DDX55: variants seen among roughly 807,000 people sequenced by gnomAD.
DDX55 encodes ATP-dependent RNA helicase DDX55.
A neutral mutation model predicts 69.2 loss-of-function variants in DDX55; 56 were observed. The ratio of observed to expected loss-of-function variants is 0.81; its 90% CI spans 0.65 to 1.01. The LOEUF (loss-of-function observed/expected upper bound fraction) is 1.01. Among genes scored for constraint, DDX55 ranks in the 50% least tolerant of loss-of-function variants. DDX55 has a pLI of 0.00. For synonymous variants in DDX55, 268 were observed against 273.1 expected (o/e 0.98, Z 0.18); for missense variants, 720 against 745.1 (o/e 0.97, Z 0.39).
At chr12:123,605,728 C>T (rs140851013) in intron 1 of DDX55, 303 of 705,130 alleles carry the variant, frequency 4.3e-4, no homozygotes, top group African/African-American at 3.7e-3. Context: ...CCTCCCAGCT[C>T]AGCTCACTGT....
chr12:123,610,031 C>T lies in DDX55; in HGVS notation c.644C>T (p.Ala215Val), dbSNP rs200245098. ...CAGGAAGTGGAGAACCTGGTGAGAG[C>T]GGGCCTCCGGAACCCTGTCCGGGTC... is the stretch of plus-strand genomic sequence containing the variant. ...QTQEVENLVR[A>V]GLRNPVRVSV... is the part of the protein sequence containing the mutation. Residue 215 changes from alanine to valine, a missense_variant, in exon 7 of 14, where the codon GCG becomes GTG. Transcript: ENST00000238146. 245 of 1,614,014 alleles carry T rather than the reference C, an allele frequency of 1.5e-4. No individual in the cohort carries two copies. The highest frequency in any genetic ancestry group is 1.9e-4 in the Non-Finnish European group (228 of 1,180,022).
At chr12:123,604,645 CAAAT>C (rs1413242376) in intron 1 of DDX55, among the ~76,000 whole-genome samples, 1 of 151,836 alleles carries the variant, frequency 6.6e-6, no homozygotes, top group Non-Finnish European at 1.5e-5. Flanking sequence ...CTCTGAGTAT[CAAAT>C]AACACACTAG....
intron 1 of DDX55, among the ~76,000 whole-genome samples, chr12:123,604,400 T>C (rs1953762810): frequency 6.6e-6 from 1 of 152,132 alleles, no homozygotes; most frequent in African/African-American, 2.4e-5. Flanking sequence ...TTTAAATAAA[T>C]GAAGTCTTGA....
intron 7 of DDX55, among the ~76,000 whole-genome samples, chr12:123,612,234 A>G (rs1954299524): frequency 6.6e-6 from 1 of 152,146 alleles, no homozygotes; most frequent in Non-Finnish European, 1.5e-5. Context: ...AAGCCAAAAA[A>G]CACTTCGGGT....
At chr12:123,616,329 T>C (rs1302676109) in intron 9 of DDX55, among the ~76,000 whole-genome samples, 182 bp from the exon 10 acceptor site, 1 of 152,172 alleles carries the variant, frequency 6.6e-6, no homozygotes, top group African/African-American at 2.4e-5. Flanking sequence ...CCAATTTTTA[T>C]TGGAATTTAT....
Position 123,613,255 on chromosome 12 carries a change from A to G in DDX55, c.824+3A>G. The G allele has an allele frequency of 6.2e-7, 1 of 1,613,004 alleles. No individual in the cohort carries two copies. The highest frequency in any genetic ancestry group is 8.5e-7 in the Non-Finnish European group (1 of 1,179,582). On this transcript the variant is annotated splice_donor_region_variant and intron_variant, in intron 8 of 13. Transcript: ENST00000238146. The stretch of plus-strand genomic sequence containing the variant: ...GAGAAACACCTGGTCTTCTTCAGGT[A>G]CTCCTCTGGTCTCTGTGGTAGAGGC...
intron 1 of DDX55, among the ~76,000 whole-genome samples, chr12:123,602,603 T>C (rs551928789): frequency 1.3e-5 from 2 of 152,258 alleles, no homozygotes; most frequent in South Asian, 2.1e-4. Flanking sequence ...ACCCTCCTTA[T>C]GGGGTTGCTG....
At chr12:123,612,404 A>C (rs1372737170) in intron 7 of DDX55, among the ~76,000 whole-genome samples, 2 of 152,194 alleles carry the variant, frequency 1.3e-5, no homozygotes, top group Non-Finnish European at 2.9e-5. Flanking sequence ...TAAAAATAGG[A>C]TGAATGCATT....
intron 3 of DDX55, 126 bp from the exon 4 acceptor site, chr12:123,607,293 CAGAGATGCTGCTG>C: frequency 1.2e-6 from 1 of 837,032 alleles, no homozygotes; most frequent in Non-Finnish European, 1.9e-6. Context: ...GATATGTGCT[CAGAGATGCTGCTG>C]AGAAAGTCTG....
intron 1 of DDX55, among the ~76,000 whole-genome samples, chr12:123,603,787 GTTTT>G (rs1325358114): frequency 6.6e-6 from 1 of 151,368 alleles, no homozygotes; most frequent in African/African-American, 2.4e-5. Context: ...TCTTTTTTTT[GTTTT>G]TTGTTTGTTT....
At position 123,616,576 on chromosome 12, in the gene DDX55, T is replaced by C. The variant is rs1954684343; in HGVS notation, c.1022T>C (p.Leu341Ser). Residue 341 changes from leucine (L) to serine (S), a missense_variant, in exon 10 of 14, where the codon TTG becomes TCG. Leu to Ser is a moderately radical substitution (Grantham distance 145). Coordinates refer to ENST00000238146, the MANE Select transcript of DDX55 (RefSeq NM_020936.3). ...GIDIPEVNWVLQYDPPSNASA... is the reference protein window; with the variant it reads ...GIDIPEVNWVSQYDPPSNASA... ...GATATTCCTGAAGTCAACTGGGTTT[T>C]GCAGTATGACCCTCCCAGCAATGCA... 7 of 1,614,180 alleles carry C rather than the reference T, an allele frequency of 4.3e-6. No homozygotes were observed. Among genetic ancestry groups the C allele is most frequent in the African/African-American group, 1.3e-5 (1 of 75,056 alleles).
chr12:123,611,962 C>T (rs1954277280), intron 7 of DDX55, among the ~76,000 whole-genome samples: 1 of 152,180 alleles, frequency 6.6e-6, no homozygotes. Flanking sequence ...CAGTAGTATA[C>T]AGCTTCGTAG....
chr12:123,603,140 G>A (rs1464454331), intron 1 of DDX55, among the ~76,000 whole-genome samples: 2 of 152,184 alleles, frequency 1.3e-5, no homozygotes, highest in African/African-American at 4.8e-5. Flanking sequence ...GTAGTGGGAA[G>A]CCATCTTATC....
rs772541093 is a variant in DDX55, at chr12:123,617,865, A to G, written c.1157A>G (p.Asn386Ser). The G allele has an allele frequency of 4.3e-6, 7 of 1,614,002 alleles. No individual in the cohort carries two copies. In the Admixed American group the frequency reaches 1.2e-4, roughly 27 times the overall value. Residue 386 changes from asparagine to serine, a missense_variant, in exon 11 of 14, where the codon AAC (asparagine) becomes AGC (serine). By Grantham distance (46) the Asn-to-Ser change is conservative. Transcript: ENST00000238146. ...TCATACATCAATTTCCTTGCAATTAACCAAAAAGTAAGCTGCCGTCCGTTT... is the reference window on the plus strand; with the variant it reads ...TCATACATCAATTTCCTTGCAATTAGCCAAAAAGTAAGCTGCCGTCCGTTT... ...EESYINFLAI[N>S]QKCPLQEMKP...
intron 9 of DDX55, 62 bp downstream of exon 9, chr12:123,615,378 T>C (rs3748269): frequency 0.43 from 690,177 of 1,590,860 alleles, 156,830 homozygotes; most frequent in African/African-American, 0.71. Context: ...GGTCCCCAAA[T>C]GCCCCATTCT....
chr12:123,602,438 G>C (rs1447885477), intron 1 of DDX55, among the ~76,000 whole-genome samples, 182 bp downstream of exon 1: 1 of 152,216 alleles, frequency 6.6e-6, no homozygotes, highest in Non-Finnish European at 1.5e-5. Flanking sequence ...CCAGCGAGCC[G>C]GCAGAGGGGC....
At chr12:123,619,144 A>T (rs1470830649) in intron 12 of DDX55, among the ~76,000 whole-genome samples, 1 of 152,182 alleles carries the variant, frequency 6.6e-6, no homozygotes. Flanking sequence ...CTGGGACTAC[A>T]GGCGCCCGCC....
In DDX55 at chr12:123,608,231, T is replaced by C. The variant is rs1954007191; in HGVS notation, c.402-449T>C. On this transcript the variant is annotated intron_variant, in intron 5 of 13. Transcript: ENST00000238146. ...CAAGTGAGTTACCTGGGACCTACAA[T>C]GGTTGAGTAACTTGCGTAAGTCAGA... 2.3e-5 allele frequency: 4 copies of C among 170,610 alleles called. No individual in the cohort carries two copies. In the South Asian group the frequency reaches 5.7e-4, roughly 24 times the overall value. 10.6% of individuals were successfully genotyped at this position (170,610 alleles called of 1,614,324 possible).
At chr12:123,609,847 A>G in intron 6 of DDX55, 92 bp from the exon 7 acceptor site, 1 of 1,443,380 alleles carries the variant, frequency 6.9e-7, no homozygotes, top group Non-Finnish European at 9.3e-7. Flanking sequence ...CTTCACTTTC[A>G]GTCTTTTTGA....
Sources: gnomAD v4.1 joint callset for allele counts (sites outside exome capture counted in the v4.1 genomes callset) on GRCh38, gnomAD v4.1.1 for gene constraint, MANE v1.5 for transcripts, NCBI Gene and HGNC (gene_info 2026-07-23, HGNC 2026-07-21) for gene names.